PRDM6: variants seen among roughly 807,000 people sequenced by gnomAD.
PRDM6 encodes the protein putative histone-lysine N-methyltransferase PRDM6.
Under a neutral mutation model 60.8 loss-of-function variants are expected in PRDM6, and 25 were observed. The observed-to-expected ratio is 0.41, with a 90% CI of 0.30 to 0.57. The LOEUF (loss-of-function observed/expected upper bound fraction) is 0.57. Among genes scored for constraint, PRDM6 ranks in the 20% least tolerant of loss-of-function variants. PRDM6 has a pLI of 0.27. For missense variants in PRDM6, 839 were observed against 821.3 expected (o/e 1.02, Z -0.26); for synonymous variants, 407 against 357.4 (o/e 1.14, Z -1.57).
chr5:123,118,320 AATAGGCTG>A (rs1295199577), intron 3 of PRDM6, among the ~76,000 whole-genome samples: 1 of 152,228 alleles, frequency 6.6e-6, no homozygotes, highest in East Asian at 1.9e-4. Context: ...GCTGTCTCTC[AATAGGCTG>A]ATATTAAGAA....
chr5:123,090,092 C>T lies in PRDM6; in HGVS notation c.78C>T (p.Leu26=). The T allele has an allele frequency of 1.3e-6, 2 of 1,546,986 alleles. No homozygotes were observed. The highest frequency in any genetic ancestry group is 1.7e-6 in the Non-Finnish European group (2 of 1,145,436). Residue 26 remains leucine, a synonymous_variant, in exon 2 of 8, where the codon CTC becomes CTT. Transcript: ENST00000407847. ...DPAYLQHWQQ[L]FPHGGAGPLK... Reference sequence around the variant, plus strand: ...CCTACCTGCAGCACTGGCAGCAACTCTTCCCTCACGGAGGCGCAGGCCCGC... The same window carrying T: ...CCTACCTGCAGCACTGGCAGCAACTTTTCCCTCACGGAGGCGCAGGCCCGC...
At chr5:123,168,403 TTC>T (rs1406476340) in intron 5 of PRDM6, among the ~76,000 whole-genome samples, 2 of 151,952 alleles carry the variant, frequency 1.3e-5, no homozygotes, top group Non-Finnish European at 2.9e-5. Context: ...AAAAAAAAAA[TTC>T]TGTCTTATAA....
intron 6 of PRDM6, among the ~76,000 whole-genome samples, chr5:123,179,693 C>T (rs1766100113): frequency 6.6e-6 from 1 of 151,754 alleles, no homozygotes; most frequent in Non-Finnish European, 1.5e-5. Flanking sequence ...ATAGCAACTG[C>T]CTTCTCTGTC....
At chr5:123,131,355 T>A (rs924113678) in intron 3 of PRDM6, among the ~76,000 whole-genome samples, 4 of 152,178 alleles carry the variant, frequency 2.6e-5, no homozygotes, top group African/African-American at 9.6e-5. Flanking sequence ...CACAAAGAAA[T>A]AATAAATATT....
intron 3 of PRDM6, among the ~76,000 whole-genome samples, chr5:123,104,010 G>A (rs898392821): frequency 3.3e-5 from 5 of 152,064 alleles, no homozygotes; most frequent in South Asian, 2.1e-4. Flanking sequence ...TGAGTGTCTC[G>A]TTTTCATTTG....
chr5:123,146,158 A>G (rs1185123375), intron 3 of PRDM6, among the ~76,000 whole-genome samples: 1 of 152,198 alleles, frequency 6.6e-6, no homozygotes, highest in Non-Finnish European at 1.5e-5. Context: ...CTTCTTGGAA[A>G]TCATATTTTT....
chr5:123,192,284 A>G lies in PRDM6; in HGVS notation c.*5083A>G, dbSNP rs1178943790. On this transcript the variant is annotated 3_prime_UTR_variant, in exon 8 of 8. Transcript: ENST00000407847. ...GATACTATCATTATCCCCTTCTCATATATGCTTAACAGTTTTAGCTTTGTA... is the reference window on the plus strand; with the variant it reads ...GATACTATCATTATCCCCTTCTCATGTATGCTTAACAGTTTTAGCTTTGTA... 2 of 152,316 alleles carry G rather than the reference A, an allele frequency of 1.3e-5. No individual in the cohort carries two copies. The highest frequency in any genetic ancestry group is 3.9e-4 in the East Asian group (2 of 5,186). 9.4% of individuals were successfully genotyped at this position (152,316 alleles called of 1,614,324 possible).
intron 3 of PRDM6, among the ~76,000 whole-genome samples, chr5:123,118,854 A>AC (rs1482134298): frequency 2.0e-5 from 3 of 152,156 alleles, no homozygotes; most frequent in Non-Finnish European, 4.4e-5. Flanking sequence ...TGGTAACATC[A>AC]CGCACAGGCA....
intron 2 of PRDM6, among the ~76,000 whole-genome samples, chr5:123,093,733 C>T (rs1763894844): frequency 6.6e-6 from 1 of 152,198 alleles, no homozygotes; most frequent in South Asian, 2.1e-4. Flanking sequence ...GTGGCCTCTT[C>T]CCGGGTTCTG....
chr5:123,111,711 A>AC (rs879846250), intron 3 of PRDM6, among the ~76,000 whole-genome samples: 154 of 116,914 alleles, frequency 1.3e-3, no homozygotes, highest in Non-Finnish European at 1.9e-3. Flanking sequence ...ACAAAACAAA[A>AC]AAAAAACAAA....
intron 6 of PRDM6, 68 bp downstream of exon 6, chr5:123,171,176 C>A: frequency 7.8e-7 from 1 of 1,279,184 alleles, no homozygotes; most frequent in Non-Finnish European, 1.1e-6. Context: ...TTCCCGCCAA[C>A]TTCTGAGCAC....
chr5:123,146,432 C>A (rs994807495), intron 3 of PRDM6, among the ~76,000 whole-genome samples: 2 of 152,122 alleles, frequency 1.3e-5, no homozygotes, highest in Admixed American at 1.3e-4. Flanking sequence ...ACATGCAAAT[C>A]CCATCAGTTC....
Position 123,188,154 on chromosome 5 carries a change from G to A in PRDM6, c.*953G>A, listed in dbSNP as rs889223441. ...AAACCCCATCGTCAAGGCCCTTTTA[G>A]CAATTTTATCTTTCTTCCTCTTGCA... is the stretch of plus-strand genomic sequence containing the variant. On this transcript the variant is annotated 3_prime_UTR_variant, in exon 8 of 8. Transcript: ENST00000407847. 5.3e-5 allele frequency: 8 copies of A among 152,128 alleles called. No individual in the cohort carries two copies. Among genetic ancestry groups the A allele is most frequent in the Non-Finnish European group, 8.8e-5 (6 of 68,028 alleles). The allele number at this position is 152,128 out of a possible 1,614,324, so 9.4% of individuals were successfully genotyped here.
rs1007268766 is a variant in PRDM6, at chr5:123,171,671, A to G, written c.1496+563A>G. Among the ~76,000 whole-genome samples the G allele has an allele frequency of 3.9e-5, 6 of 152,300 alleles. No individual in the cohort carries two copies. In the South Asian group the frequency reaches 1.0e-3, roughly 26 times the overall value. ...GATGCCACTTATTCAATAAACTAAT[A>G]TCCACACAGAAGAAAAATGTTGACT... On this transcript the variant is annotated intron_variant, in intron 6 of 7. Transcript: ENST00000407847.
Position 123,099,753 on chromosome 5 carries a change from C to G in PRDM6, c.692C>G (p.Ala231Gly). The change falls in exon 3 of 8, where the codon GCC becomes GGC. Residue 231 changes from alanine to glycine, a missense_variant. This residue lies in a region of PRDM6 where 730 missense variants were observed against 648.8 expected (regional missense o/e 1.13). Transcript: ENST00000407847. This position sits in a 1 kb window ranked among gnomAD's most constrained non-coding sequence, Gnocchi z 4.0. ...GTGGGCACCAGCAGCGCTGCGGCCGCCGCGCCCCCGCCGGAGCTGCCGGAG... is the reference window on the plus strand; with the variant it reads ...GTGGGCACCAGCAGCGCTGCGGCCGGCGCGCCCCCGCCGGAGCTGCCGGAG... Reference protein sequence around the residue: ...RLVGTSSAAAAAPPPELPEWL... With the variant: ...RLVGTSSAAAGAPPPELPEWL... 2 of 1,546,198 alleles carry G rather than the reference C, an allele frequency of 1.3e-6. No individual in the cohort carries two copies. Among genetic ancestry groups the G allele is most frequent in the South Asian group, 2.4e-5 (2 of 83,532 alleles).
chr5:123,122,696 A>C (rs1764607657), intron 3 of PRDM6, among the ~76,000 whole-genome samples: 1 of 152,344 alleles, frequency 6.6e-6, no homozygotes, highest in East Asian at 1.9e-4. Flanking sequence ...TAAGAAGAAA[A>C]TAAAAATTAC....
At chr5:123,174,712 A>T (rs755218088) in intron 6 of PRDM6, among the ~76,000 whole-genome samples, 16 of 152,154 alleles carry the variant, frequency 1.1e-4, no homozygotes, top group African/African-American at 2.2e-4. Flanking sequence ...CAGGGATCCC[A>T]GCCTCACCAT....
Position 123,090,335 on chromosome 5 carries a change from T to C in PRDM6, c.321T>C (p.Gly107=). 6.8e-7 allele frequency: 1 copy of C among 1,478,846 alleles called. No individual in the cohort carries two copies. The highest frequency in any genetic ancestry group is 8.9e-7 in the Non-Finnish European group (1 of 1,118,930). 91.6% of individuals were successfully genotyped at this position (1,478,846 alleles called of 1,614,324 possible). A position where few individuals can be genotyped will look rare whatever the true frequency, so the allele number is the denominator to read the frequency against. Residue 107 remains glycine (G), a synonymous_variant, in exon 2 of 8, where the codon GGT becomes GGC. Coordinates refer to ENST00000407847, the MANE Select transcript of PRDM6 (RefSeq NM_001136239.4). Reference sequence around the variant, plus strand: ...CGGCCGCTGCCGCCGCGCTGGCTGGTCTCTCGGCCCTGCCGGTGTCGCAGC... The same window carrying C: ...CGGCCGCTGCCGCCGCGCTGGCTGGCCTCTCGGCCCTGCCGGTGTCGCAGC... ...AAAAAAAALA[G]LSALPVSQLP...
At chr5:123,130,024 CCCTTCCCTTCCCTGTCCTTT>C (rs1314697449) in intron 3 of PRDM6, among the ~76,000 whole-genome samples, 1 of 149,122 alleles carries the variant, frequency 6.7e-6, no homozygotes, top group Non-Finnish European at 1.5e-5. Flanking sequence ...CCTTTCCCTT[CCCTTCCCTTCCCTGTCCTTT>C]CCTTCCCTTC....
Sources: allele counts gnomAD v4.1 joint callset (sites outside exome capture counted in the v4.1 genomes callset), GRCh38; gene constraint gnomAD v4.1.1; regional missense constraint gnomAD v4.1.1; non-coding constraint Gnocchi (gnomAD v3.1); transcripts MANE v1.5; gene names NCBI Gene and HGNC (gene_info 2026-07-23, HGNC 2026-07-21).